Variants in ASB5 observed in about 807,000 individuals in gnomAD.
ASB5 encodes the protein ankyrin repeat and SOCS box containing 5, also known as ankyrin repeat and SOCS box protein 5.
A neutral mutation model predicts 42.1 loss-of-function variants in ASB5; 45 were observed. The observed-to-expected ratio is 1.07, with a 90% CI of 0.84 to 1.37. The LOEUF (loss-of-function observed/expected upper bound fraction) is 1.37. Among genes scored for constraint, ASB5 ranks in the 40% most tolerant of loss-of-function variants. The pLI is 0.00. For missense variants in ASB5, 402 were observed against 399.8 expected (o/e 1.01, Z -0.05); for synonymous variants, 147 against 150.6 (o/e 0.98, Z 0.18).
chr4:176,227,482 C>T (rs1753412375), intron 1 of ASB5, among the ~76,000 whole-genome samples: 3 of 152,158 alleles, frequency 2.0e-5, no homozygotes, highest in Non-Finnish European at 4.4e-5. Context: ...GAAAAACCAA[C>T]TTATTTAATG....
intron 1 of ASB5, among the ~76,000 whole-genome samples, chr4:176,247,850 G>A (rs1753942106): frequency 6.6e-6 from 1 of 152,154 alleles, no homozygotes; most frequent in African/African-American, 2.4e-5. Flanking sequence ...CCAATAAAAA[G>A]TGAAAAGTCA....
At position 176,261,166 on chromosome 4, in the gene ASB5, T is replaced by G. The variant is rs1271106969; in HGVS notation, c.196+7747A>C. On this transcript the variant is annotated intron_variant, in intron 1 of 6. Coordinates refer to ENST00000296525, the MANE Select transcript of ASB5 (RefSeq NM_080874.4). ...CAGTTTAGAAAATGGGCTTAATTGC[T>G]AAAATTGTTGCCCAAGTCCACAGAA... is the stretch of plus-strand genomic sequence containing the variant. Among the ~76,000 whole-genome samples, 6 of 152,258 alleles carry G rather than the reference T, an allele frequency of 3.9e-5. No individual in the cohort carries two copies. The East Asian group carries it at 1.2e-3, about 29-fold the overall frequency.
At chr4:176,222,457 T>C (rs1425127388) in intron 2 of ASB5, 37 bp from the exon 3 acceptor site, 1 of 1,512,964 alleles carries the variant, frequency 6.6e-7, no homozygotes, top group East Asian at 2.3e-5. Context: ...GAGCAAAGAG[T>C]TATATACTTA....
upstream of ASB5, among the ~76,000 whole-genome samples, chr4:176,270,003 T>G (rs1754438206): frequency 6.6e-6 from 1 of 152,316 alleles, no homozygotes; most frequent in Admixed American, 6.5e-5. Flanking sequence ...ACAATATACA[T>G]TTTAGGCCTA....
At position 176,218,229 on chromosome 4, in the gene ASB5, A is replaced by G. The variant is rs1753035025; in HGVS notation, c.671-1220T>C. On this transcript the variant is annotated intron_variant, in intron 5 of 6. Coordinates refer to ENST00000296525, the MANE Select transcript of ASB5 (RefSeq NM_080874.4). ...ATATATATTTGTATGATATAAATATATATATATTTGTATGATATATAAATA... is the reference window on the plus strand; with the variant it reads ...ATATATATTTGTATGATATAAATATGTATATATTTGTATGATATATAAATA... 9.2e-5 allele frequency among the ~76,000 whole-genome samples: 5 copies of G among 54,238 alleles called. No homozygotes were observed. The South Asian group carries it at 2.1e-3, about 23-fold the overall frequency. 35.6% of individuals were successfully genotyped at this position (54,238 alleles called of 152,430 possible).
chr4:176,220,557 G>A (rs2126943458), intron 5 of ASB5, among the ~76,000 whole-genome samples: 1 of 152,264 alleles, frequency 6.6e-6, no homozygotes, highest in African/African-American at 2.4e-5. Flanking sequence ...TATGGTAAGT[G>A]GGACCACTAT....
intron 2 of ASB5, among the ~76,000 whole-genome samples, chr4:176,223,737 C>G (rs931340986): frequency 3.3e-5 from 5 of 152,152 alleles, no homozygotes; most frequent in Non-Finnish European, 7.4e-5. Context: ...CTAGAGGGAC[C>G]AGATGTCAGA....
At chr4:176,253,432 A>G (rs1431597284) in intron 1 of ASB5, among the ~76,000 whole-genome samples, 1 of 152,206 alleles carries the variant, frequency 6.6e-6, no homozygotes, top group East Asian at 1.9e-4. Context: ...TTTGAAAAAT[A>G]GTTCATACTA....
intron 1 of ASB5, among the ~76,000 whole-genome samples, chr4:176,230,672 G>T (rs958566441): frequency 6.6e-6 from 1 of 151,960 alleles, no homozygotes; most frequent in East Asian, 1.9e-4. Context: ...TTCAAAATCC[G>T]AAATTTAGCA....
At chr4:176,226,027 C>T (rs1240197830) in intron 1 of ASB5, among the ~76,000 whole-genome samples, 11 of 152,174 alleles carry the variant, frequency 7.2e-5, no homozygotes, top group Admixed American at 3.3e-4. Context: ...ATAGGTGCCA[C>T]GTTGACAAGG....
chr4:176,258,759 A>C (rs1439305904), intron 1 of ASB5, among the ~76,000 whole-genome samples: 3 of 152,196 alleles, frequency 2.0e-5, no homozygotes, highest in African/African-American at 7.2e-5. Flanking sequence ...TGCTTTCTAA[A>C]ATGGAGCTTT....
intron 1 of ASB5, among the ~76,000 whole-genome samples, chr4:176,252,468 A>G (rs1281283881): frequency 6.6e-6 from 1 of 152,256 alleles, no homozygotes; most frequent in Non-Finnish European, 1.5e-5. Flanking sequence ...CCTTCCATGA[A>G]TATTCATTAA....
At chr4:176,234,046 G>A (rs11736223) in intron 1 of ASB5, among the ~76,000 whole-genome samples, 26,628 of 152,032 alleles carry the variant, frequency 0.18, 2,685 homozygotes, top group Middle Eastern at 0.29. Flanking sequence ...TTGTATCTCA[G>A]CCTCCACCAC....
At chr4:176,275,671 C>A (rs1754551027) in intron 2 of ASB5, 2 of 152,200 alleles carry the variant, frequency 1.3e-5, no homozygotes, top group South Asian at 4.1e-4. Context: ...TGGTGACCAC[C>A]ACTCAGCCTC....
Position 176,219,575 on chromosome 4 carries a change from GAT to G in ASB5, c.670+1578_670+1579del, listed in dbSNP as rs71597433. 8.2e-3 allele frequency among the ~76,000 whole-genome samples: 49 copies of G among 5,998 alleles called. 4 individuals carry two copies. Among genetic ancestry groups the G allele is most frequent in the African/African-American group, 0.026 (43 of 1,632 alleles). 3.9% of individuals were successfully genotyped at this position (5,998 alleles called of 152,430 possible). The stretch of plus-strand genomic sequence containing the variant: ...TATATAAATATGTATATATTTGTAT[GAT>G]ATATATATATATATATATATATATA... On this transcript the variant is annotated intron_variant, in intron 5 of 6. Coordinates refer to ENST00000296525, the MANE Select transcript of ASB5 (RefSeq NM_080874.4).
exon 1 of ASB5, chr4:176,277,242 C>G (rs181391278): frequency 7.9e-5 from 12 of 152,362 alleles, no homozygotes; most frequent in African/African-American, 2.9e-4. Context: ...TACCAAATAA[C>G]TGCAGCTTAC....
chr4:176,271,793 A>G (rs1363294028), upstream of ASB5, among the ~76,000 whole-genome samples: 1 of 152,064 alleles, frequency 6.6e-6, no homozygotes, highest in Non-Finnish European at 1.5e-5. Context: ...AGCTTTAGAG[A>G]CCTATAAAAG....
rs201956027 is a variant in ASB5 at position 176,215,699 on chromosome 4, G to C, written c.891C>G (p.Cys297Trp). Residue 297 changes from cysteine to tryptophan, a missense_variant, in exon 7 of 7, where the codon TGC becomes TGG. Transcript: ENST00000296525. Reference protein sequence around the residue: ...EATPSSLYQLCRLCIRSYIGK... With the variant: ...EATPSSLYQLWRLCIRSYIGK... ...CTATGTAGCTTCGGATACAGAGTCG[G>C]CAAAGTTGGTAAAGAGAGCTTGGGG... 1.8e-5 allele frequency: 29 copies of C among 1,612,570 alleles called. 1 individual carries two copies. The highest frequency in any genetic ancestry group is 1.8e-4 in the South Asian group (16 of 90,950).
At chr4:176,249,899 A>C (rs1175833884) in intron 1 of ASB5, among the ~76,000 whole-genome samples, 1 of 144,206 alleles carries the variant, frequency 6.9e-6, no homozygotes, top group Non-Finnish European at 1.6e-5. Flanking sequence ...CCCCGTCTCT[A>C]CTAAAAACAC....
Sources: allele counts gnomAD v4.1 joint callset (sites outside exome capture counted in the v4.1 genomes callset), GRCh38; gene constraint gnomAD v4.1.1; transcripts MANE v1.5; gene names NCBI Gene and HGNC (gene_info 2026-07-23, HGNC 2026-07-21).